The following AGBL4 variants were observed in gnomAD, a reference collection of about 807,000 sequenced individuals.
AGBL4 encodes AGBL carboxypeptidase 4.
AGBL4 carries 58 observed loss-of-function variants against 66.4 expected under a neutral mutation model. The observed-to-expected ratio is 0.87, with a 90% CI of 0.71 to 1.09. The LOEUF is 1.09. AGBL4 is among the 50% of genes least tolerant of loss of function. The pLI is 0.00. For synonymous variants in AGBL4, 234 were observed against 222.9 expected, an observed-to-expected ratio of 1.05 and a Z score of -0.44; for missense variants, 579 against 631.0, an observed-to-expected ratio of 0.92 and a Z score of 0.88.
At chr1:49,120,572 T>G (rs1204500316) in intron 4 of AGBL4, among the ~76,000 whole-genome samples, 2 of 152,216 alleles carry the variant, frequency 1.3e-5, no homozygotes, top group African/African-American at 4.8e-5. Context: ...CTGCTGTTAG[T>G]CTGATGGGTT....
At chr1:48,695,220 G>C (rs897120691) in intron 6 of AGBL4, among the ~76,000 whole-genome samples, 1 of 152,194 alleles carries the variant, frequency 6.6e-6, no homozygotes, top group Non-Finnish European at 1.5e-5. Context: ...GAGACACACA[G>C]AGCCCTGAGA....
At chr1:49,202,533 C>T (rs1647789242) in intron 4 of AGBL4, among the ~76,000 whole-genome samples, 1 of 152,020 alleles carries the variant, frequency 6.6e-6, no homozygotes. Context: ...GAAAGAATAG[C>T]TTCTTCAACA....
At chr1:49,413,316 T>G (rs1434694763) in intron 3 of AGBL4, among the ~76,000 whole-genome samples, 1 of 152,180 alleles carries the variant, frequency 6.6e-6, no homozygotes, top group South Asian at 2.1e-4. Flanking sequence ...CAGTAATGAG[T>G]AAAAGCAGGT....
chr1:48,867,295 T>C, intron 5 of AGBL4, 65 bp from the exon 6 acceptor site: 2 of 1,538,002 alleles, frequency 1.3e-6, no homozygotes, highest in Non-Finnish European at 1.8e-6. Flanking sequence ...GCTTAGCAGG[T>C]CAGGGCGGAC....
intron 6 of AGBL4, among the ~76,000 whole-genome samples, chr1:48,743,715 T>C (rs1650291385): frequency 6.6e-6 from 1 of 152,238 alleles, no homozygotes; most frequent in Non-Finnish European, 1.5e-5. Flanking sequence ...CAGCCTTCTC[T>C]TATCCTAGCC....
intron 4 of AGBL4, among the ~76,000 whole-genome samples, chr1:49,107,751 A>G (rs1390448311): frequency 6.7e-6 from 1 of 149,994 alleles, no homozygotes; most frequent in African/African-American, 2.5e-5. Context: ...ATTTACATGT[A>G]TCCAAGAGAA....
At chr1:48,830,300 C>T (rs929199040) in intron 6 of AGBL4, among the ~76,000 whole-genome samples, 1 of 152,210 alleles carries the variant, frequency 6.6e-6, no homozygotes, top group Non-Finnish European at 1.5e-5. Flanking sequence ...CCATTCTTCT[C>T]CACAGCCCTG....
chr1:49,948,613 T>C (rs1158618638), intron 1 of AGBL4, among the ~76,000 whole-genome samples: 1 of 104,290 alleles, frequency 9.6e-6, no homozygotes, highest in Non-Finnish European at 2.2e-5. Flanking sequence ...AGAGATACAC[T>C]TAGGAATATA....
At chr1:49,113,204 C>T (rs12135295) in intron 4 of AGBL4, among the ~76,000 whole-genome samples, 6,290 of 152,092 alleles carry the variant, frequency 0.041, 237 homozygotes, top group East Asian at 0.16. Flanking sequence ...CCCACCTCGG[C>T]CTCCCAAAGT....
At chr1:48,880,341 A>G (rs1043448856) in intron 5 of AGBL4, among the ~76,000 whole-genome samples, 2 of 152,096 alleles carry the variant, frequency 1.3e-5, no homozygotes, top group African/African-American at 4.8e-5. Context: ...ACATATATAT[A>G]CCAGTTTCTT....
At chr1:48,628,443 AT>A (rs138841443) in intron 9 of AGBL4, among the ~76,000 whole-genome samples, 12 of 150,550 alleles carry the variant, frequency 8.0e-5, no homozygotes, top group Admixed American at 4.0e-4. Flanking sequence ...CCTTGCTTTG[AT>A]TTTTTTTTTA....
At position 49,094,939 on chromosome 1, in the gene AGBL4, C is replaced by T. The variant is rs1458465322; in HGVS notation, c.378-49139G>A. 4.6e-5 allele frequency among the ~76,000 whole-genome samples: 7 copies of T among 152,244 alleles called. No homozygotes were observed. In the South Asian group the frequency reaches 8.3e-4, roughly 18 times the overall value. Reference sequence around the variant, plus strand: ...TGATTGTATATCTAGAAAACCCCATCATCTCAGCCCAAAATCTCCTTAAGC... The same window carrying T: ...TGATTGTATATCTAGAAAACCCCATTATCTCAGCCCAAAATCTCCTTAAGC... On this transcript the variant is annotated intron_variant, in intron 4 of 13. Transcript: ENST00000371839.
At chr1:48,615,406 A>T (rs576257163) in intron 9 of AGBL4, among the ~76,000 whole-genome samples, 17 of 152,312 alleles carry the variant, frequency 1.1e-4, no homozygotes, top group Admixed American at 9.8e-4. Flanking sequence ...CCCATAGGAG[A>T]GTAGTTGTTG....
At chr1:48,578,411 G>A (rs780324374) in intron 11 of AGBL4, among the ~76,000 whole-genome samples, 59 of 152,260 alleles carry the variant, frequency 3.9e-4, no homozygotes, top group Admixed American at 9.2e-4. Flanking sequence ...ACAGACTTCA[G>A]TACAGTTTAG....
At chr1:48,588,087 G>A (rs905682290) in intron 10 of AGBL4, among the ~76,000 whole-genome samples, 1 of 152,098 alleles carries the variant, frequency 6.6e-6, no homozygotes, top group Non-Finnish European at 1.5e-5. Context: ...TATAGATGAG[G>A]AAACTGAGGT....
At chr1:49,913,661 T>C (rs2148216919) in intron 1 of AGBL4, among the ~76,000 whole-genome samples, 1 of 152,400 alleles carries the variant, frequency 6.6e-6, no homozygotes, top group South Asian at 2.1e-4. Context: ...GTGACAGCTC[T>C]GCACCTGCAG....
chr1:48,850,422 C>T (rs1237707638), intron 6 of AGBL4, among the ~76,000 whole-genome samples: 1 of 152,134 alleles, frequency 6.6e-6, no homozygotes, highest in Non-Finnish European at 1.5e-5. Flanking sequence ...GACCTTTTTG[C>T]CTAATTTTCT....
intron 3 of AGBL4, among the ~76,000 whole-genome samples, chr1:49,368,734 T>C (rs994647303): frequency 1.1e-4 from 16 of 152,178 alleles, no homozygotes; most frequent in Non-Finnish European, 1.6e-4. Context: ...ATGCATTGGA[T>C]ATTTTCACAG....
intron 1 of AGBL4, among the ~76,000 whole-genome samples, chr1:49,859,021 A>AT (rs1185633087): frequency 6.6e-6 from 1 of 152,198 alleles, no homozygotes; most frequent in Non-Finnish European, 1.5e-5. Flanking sequence ...AGAAAAAAAA[A>AT]AGAAAAAGAA....
Sources: gnomAD v4.1 joint callset for allele counts (sites outside exome capture counted in the v4.1 genomes callset) on GRCh38, gnomAD v4.1.1 for gene constraint, MANE v1.5 for transcripts, NCBI Gene and HGNC (gene_info 2026-07-23, HGNC 2026-07-21) for gene names.